Variants in CSMD3 observed in about 807,000 individuals in gnomAD.
CSMD3 encodes the protein CUB and sushi domain-containing protein 3.
In CSMD3, 177 loss-of-function variants were observed where a neutral mutation model predicts 435.2. The ratio of observed to expected loss-of-function variants is 0.41; its 90% CI spans 0.36 to 0.46. The LOEUF (loss-of-function observed/expected upper bound fraction) is 0.46. CSMD3 is among the 20% of genes least tolerant of loss of function. The probability of loss-of-function intolerance (pLI) is 0.34; values close to 1 mark genes in which losing one functional copy is unlikely to be tolerated. For missense variants in CSMD3, 4,265 were observed against 4,504.6 expected (o/e 0.95, Z 1.52); for synonymous variants, 1,656 against 1,520.5 (o/e 1.09, Z -2.07).
At chr8:113,357,668 A>C (rs1438371953) in intron 1 of CSMD3, among the ~76,000 whole-genome samples, 1 of 152,210 alleles carries the variant, frequency 6.6e-6, no homozygotes, top group African/African-American at 2.4e-5. Context: ...TGTTGAAATT[A>C]TAATTCCCAA....
At chr8:112,795,972 A>G (rs1218881486) in intron 13 of CSMD3, among the ~76,000 whole-genome samples, 3 of 152,244 alleles carry the variant, frequency 2.0e-5, no homozygotes, top group Admixed American at 1.3e-4. Context: ...AATAAAAAAA[A>G]ATGCACACAT....
rs191285362 is a variant in CSMD3, at chr8:112,519,924, A to T, written c.4565-2699T>A. On this transcript the variant is annotated intron_variant, in intron 27 of 70. Coordinates refer to ENST00000297405, the MANE Select transcript of CSMD3 (RefSeq NM_198123.2). ...GAGCGTAAAACTCAACGATATGGTT[A>T]TTTAAATGGAAGTCTCTGAAACATG... 3.6e-3 allele frequency among the ~76,000 whole-genome samples: 545 copies of T among 152,268 alleles called. 1 individual carries two copies. Among genetic ancestry groups the T allele is most frequent in the African/African-American group, 0.013 (522 of 41,576 alleles).
chr8:112,466,566 T>A (rs1817975883), intron 32 of CSMD3, among the ~76,000 whole-genome samples: 1 of 152,210 alleles, frequency 6.6e-6, no homozygotes, highest in South Asian at 2.1e-4. Context: ...AGCATGTATT[T>A]AAAAGTCCAG....
rs1292408962 is a variant in CSMD3 at position 112,351,619 on chromosome 8, A to G, written c.6256-375T>C. Among the ~76,000 whole-genome samples, 4 of 152,132 alleles carry G rather than the reference A, an allele frequency of 2.6e-5. No individual in the cohort carries two copies. The East Asian group carries it at 7.7e-4, about 29-fold the overall frequency. ...ACACACAAGGTGAAGTAGGTTAAAG[A>G]ATAATTTTAAAATTTTTTCACAAAA... is the stretch of plus-strand genomic sequence containing the variant. On this transcript the variant is annotated intron_variant, in intron 39 of 70. Coordinates refer to ENST00000297405, the MANE Select transcript of CSMD3 (RefSeq NM_198123.2).
At chr8:113,392,141 A>G (rs2094463600) in intron 1 of CSMD3, among the ~76,000 whole-genome samples, 1 of 152,128 alleles carries the variant, frequency 6.6e-6, no homozygotes, top group Non-Finnish European at 1.5e-5. Context: ...AGTAAATTAC[A>G]AAGAATTTTT....
intron 3 of CSMD3, among the ~76,000 whole-genome samples, chr8:113,259,636 G>T (rs550271063): frequency 6.6e-6 from 1 of 152,006 alleles, no homozygotes; most frequent in African/African-American, 2.4e-5. Flanking sequence ...TAAAAAGCAG[G>T]AGGACTTACA....
chr8:112,261,128 C>A (rs202060164), intron 61 of CSMD3, among the ~76,000 whole-genome samples: 1 of 152,014 alleles, frequency 6.6e-6, no homozygotes, highest in Non-Finnish European at 1.5e-5. Flanking sequence ...GATGAGCAAG[C>A]AAAATAGCCA....
chr8:112,338,279 G>C (rs1340757403), intron 42 of CSMD3, among the ~76,000 whole-genome samples: 1 of 152,076 alleles, frequency 6.6e-6, no homozygotes, highest in Admixed American at 6.6e-5. Flanking sequence ...TTGTACTTCA[G>C]TTATGGGATA....
chr8:112,251,767 A>G (rs1050308202), intron 63 of CSMD3, among the ~76,000 whole-genome samples: 1 of 151,774 alleles, frequency 6.6e-6, no homozygotes, highest in Non-Finnish European at 1.5e-5. Flanking sequence ...CAAATAATGT[A>G]CTTTCCATTG....
chr8:113,189,229 A>G (rs1242602407), intron 3 of CSMD3, among the ~76,000 whole-genome samples: 1 of 151,872 alleles, frequency 6.6e-6, no homozygotes, highest in Admixed American at 6.6e-5. Flanking sequence ...TCATGATACA[A>G]TACAATGAGA....
At chr8:112,470,406 G>A (rs865918109) in intron 32 of CSMD3, among the ~76,000 whole-genome samples, 10 of 151,878 alleles carry the variant, frequency 6.6e-5, no homozygotes, top group African/African-American at 2.4e-4. Context: ...ATGTTATTAC[G>A]CCAATCACTC....
chr8:113,261,249 AC>A (rs2093424965), intron 3 of CSMD3, among the ~76,000 whole-genome samples: 1 of 152,164 alleles, frequency 6.6e-6, no homozygotes, highest in African/African-American at 2.4e-5. Context: ...TATAACTGTT[AC>A]TTTTGGTTCC....
chr8:112,926,859 T>C (rs2082927636), intron 9 of CSMD3, among the ~76,000 whole-genome samples: 1 of 152,158 alleles, frequency 6.6e-6, no homozygotes, highest in Admixed American at 6.6e-5. Context: ...CTTTTGTTGT[T>C]ATTATTTTTT....
At chr8:113,099,541 C>A (rs2090269599) in intron 4 of CSMD3, among the ~76,000 whole-genome samples, 2 of 152,022 alleles carry the variant, frequency 1.3e-5, no homozygotes, top group South Asian at 4.1e-4. Context: ...AATAGGGTAA[C>A]TAATATAACT....
At chr8:112,829,920 C>T (rs2079817181) in intron 11 of CSMD3, 131 bp from the exon 12 acceptor site, 9 of 363,800 alleles carry the variant, frequency 2.5e-5, no homozygotes, top group Admixed American at 5.1e-5. Flanking sequence ...CACACACACA[C>T]ACACACAAGC....
chr8:112,427,928 T>G (rs530947791), intron 32 of CSMD3, among the ~76,000 whole-genome samples: 1 of 152,286 alleles, frequency 6.6e-6, no homozygotes, highest in Admixed American at 6.5e-5. Context: ...CTCCACACTT[T>G]TATGGAAGTG....
intron 13 of CSMD3, among the ~76,000 whole-genome samples, chr8:112,704,120 A>G (rs2076448647): frequency 6.6e-6 from 1 of 152,020 alleles, no homozygotes; most frequent in Admixed American, 6.6e-5. Context: ...AAATAGAGAC[A>G]CTCTAAAAAA....
chr8:113,171,966 A>G (rs572198511), intron 4 of CSMD3, among the ~76,000 whole-genome samples: 18 of 152,302 alleles, frequency 1.2e-4, no homozygotes, highest in African/African-American at 3.8e-4. Context: ...CCATTATAAA[A>G]GAGTCAGGTT....
chr8:113,427,702 A>G (rs1301555580), intron 1 of CSMD3, among the ~76,000 whole-genome samples: 9 of 151,570 alleles, frequency 5.9e-5, no homozygotes. Context: ...GGATATGCAT[A>G]TTTTAATTTT....
Sources: allele counts gnomAD v4.1 joint callset (sites outside exome capture counted in the v4.1 genomes callset), GRCh38; gene constraint gnomAD v4.1.1; transcripts MANE v1.5; gene names NCBI Gene and HGNC (gene_info 2026-07-23, HGNC 2026-07-21).